ANK3: variants seen among roughly 807,000 people sequenced by gnomAD.
ANK3 encodes the protein ankyrin-3.
Under a neutral mutation model 370.9 loss-of-function variants are expected in ANK3, and 57 were observed. The observed-to-expected ratio is 0.15, with a 90% CI of 0.12 to 0.19. The LOEUF is 0.19. Among genes scored for constraint, ANK3 ranks in the 10% least tolerant of loss-of-function variants. The pLI is 1.00. For missense variants in ANK3, 4,439 were observed against 5,302.1 expected (o/e 0.84, Z 5.06); for synonymous variants, 1,929 against 1,946.3 (o/e 0.99, Z 0.23).
intron 7 of ANK3, among the ~76,000 whole-genome samples, chr10:60,257,578 T>C (rs929276199): frequency 1.2e-4 from 19 of 152,228 alleles, no homozygotes; most frequent in African/African-American, 4.3e-4. Context: ...ATTGTCTCTA[T>C]AGGTAACTAC....
chr10:60,522,818 A>T (rs2133184873), intron 2 of ANK3, among the ~76,000 whole-genome samples: 1 of 152,198 alleles, frequency 6.6e-6, no homozygotes, highest in East Asian at 1.9e-4. Context: ...TCTTATTGAA[A>T]TCCTTAAATT....
intron 1 of ANK3, chr10:60,684,958 G>A (rs1247860693): frequency 1.3e-6 from 2 of 1,542,572 alleles, no homozygotes; most frequent in Non-Finnish European, 8.9e-7. Flanking sequence ...GAAATTGTTA[G>A]CAACAGGTGA....
chr10:60,464,071 T>G (rs2064954866), intron 2 of ANK3, among the ~76,000 whole-genome samples: 1 of 152,190 alleles, frequency 6.6e-6, no homozygotes, highest in African/African-American at 2.4e-5. Context: ...TTGTGCCTTC[T>G]ATGTGGGTAC....
At chr10:60,322,144 A>T (rs898902439) in intron 1 of ANK3, among the ~76,000 whole-genome samples, 1 of 152,164 alleles carries the variant, frequency 6.6e-6, no homozygotes, top group African/African-American at 2.4e-5. Context: ...CTAATATATT[A>T]AGTAATTACA....
rs1464161452 is a variant in ANK3, at chr10:60,072,829, G to T, written c.8052C>A (p.Asp2684Glu). The T allele has an allele frequency of 6.2e-7, 1 of 1,613,980 alleles. No individual in the cohort carries two copies. The highest frequency in any genetic ancestry group is 8.5e-7 in the Non-Finnish European group (1 of 1,180,004). Residue 2684 changes from aspartate (D) to glutamate (E), a missense_variant, in exon 37 of 44, where the codon GAC (aspartate) becomes GAA (glutamate). By Grantham distance (45) the Asp-to-Glu change is conservative. This residue lies in a region of ANK3 where 1,601 missense variants were observed against 1,731.7 expected (regional missense o/e 0.92). Coordinates refer to ENST00000280772, the MANE Select transcript of ANK3 (RefSeq NM_020987.5). ...CTTTGGCTTCCACTGTGGACTTGCTGTCCTCAGTCTGTTGGGAGAGAACCA... is the reference window on the plus strand; with the variant it reads ...CTTTGGCTTCCACTGTGGACTTGCTTTCCTCAGTCTGTTGGGAGAGAACCA... The part of the protein sequence containing the change: ...EKMVLSQQTE[D>E]SKSTVEAKGS...
intron 23 of ANK3, chr10:60,140,850 T>C (rs756257614): frequency 2.8e-4 from 277 of 990,394 alleles, no homozygotes; most frequent in Non-Finnish European, 3.2e-4. Context: ...AGCCTTCATG[T>C]AGGGAGAGAG....
intron 2 of ANK3, among the ~76,000 whole-genome samples, chr10:60,586,808 C>T (rs1165932077): frequency 2.0e-5 from 3 of 152,128 alleles, no homozygotes; most frequent in East Asian, 3.9e-4. Context: ...GTAGTTAAAA[C>T]GTAGGTATCT....
intron 1 of ANK3, among the ~76,000 whole-genome samples, chr10:60,678,806 T>C (rs115355280): frequency 0.04 from 6,085 of 152,322 alleles, 155 homozygotes; most frequent in South Asian, 0.071. Context: ...CTTTTCTCTT[T>C]AATGTTCAGA....
At chr10:60,432,574 C>A (rs990397621) in intron 2 of ANK3, among the ~76,000 whole-genome samples, 2 of 152,190 alleles carry the variant, frequency 1.3e-5, no homozygotes, top group African/African-American at 4.8e-5. Context: ...TAGGAATTGA[C>A]TATCCATGGA....
At chr10:60,355,276 A>G (rs1159730306) in intron 1 of ANK3, among the ~76,000 whole-genome samples, 1 of 152,236 alleles carries the variant, frequency 6.6e-6, no homozygotes, top group East Asian at 1.9e-4. Context: ...AAAAAGTTTA[A>G]TTGAAACAAA....
At chr10:60,301,337 C>CAT (rs138651478) in intron 1 of ANK3, among the ~76,000 whole-genome samples, 2 of 146,170 alleles carry the variant, frequency 1.4e-5, no homozygotes, top group Non-Finnish European at 3.0e-5. Flanking sequence ...TGTATATATA[C>CAT]ATATATATAC....
intron 2 of ANK3, among the ~76,000 whole-genome samples, chr10:60,542,903 A>G (rs567031074): frequency 6.6e-6 from 1 of 152,090 alleles, no homozygotes; most frequent in East Asian, 1.9e-4. Context: ...ATGTACAGCA[A>G]CAACACTAAG....
At chr10:60,547,660 C>CAGAG (rs1567136147) in intron 2 of ANK3, among the ~76,000 whole-genome samples, 2 of 125,802 alleles carry the variant, frequency 1.6e-5, no homozygotes, top group Admixed American at 2.1e-4. Flanking sequence ...GTGGTGGAGA[C>CAGAG]AGACAGAGAG....
In ANK3 at chr10:60,228,488, C is replaced by T. The variant is rs542750414; in HGVS notation, c.897+6200G>A. On this transcript the variant is annotated intron_variant, in intron 8 of 43. Coordinates refer to ENST00000280772, the MANE Select transcript of ANK3 (RefSeq NM_020987.5). ...CGGAGGTTGCAGTGAGCTGAGATTG[C>T]GCCACTACACTCCAGCCTGGGCAAC... Among the ~76,000 whole-genome samples, 94 of 147,902 alleles carry T rather than the reference C, an allele frequency of 6.4e-4. 2 individuals are homozygous for T. In the South Asian group the frequency reaches 9.9e-3, roughly 16 times the overall value.
rs764328244 is a variant in ANK3 at position 60,166,896 on chromosome 10, T to C, written c.2479A>G (p.Thr827Ala). The C allele has an allele frequency of 6.2e-7, 1 of 1,613,666 alleles. No homozygotes were observed. The highest frequency in any genetic ancestry group is 1.3e-5 in the African/African-American group (1 of 74,910). Residue 827 changes from threonine (T) to alanine (A), a missense_variant and splice_region_variant, in exon 22 of 44, where the codon ACT becomes GCT. Coordinates refer to ENST00000280772, the MANE Select transcript of ANK3 (RefSeq NM_020987.5). ...TTCATTTTGTGCTTCTCTGTGACAG[T>C]CTAGTAACAAAAAAGCAGTCATTTT... The part of the protein sequence containing the change: ...IVTEETMTTT[T>A]VTEKHKMNVP...
At chr10:60,064,690 A>G (rs898928649) in intron 38 of ANK3, among the ~76,000 whole-genome samples, 2 of 151,844 alleles carry the variant, frequency 1.3e-5, no homozygotes, top group South Asian at 2.1e-4. Flanking sequence ...AACAACAACA[A>G]CAACAACAAC....
At chr10:60,501,881 G>A (rs2075809259) in intron 2 of ANK3, among the ~76,000 whole-genome samples, 1 of 152,154 alleles carries the variant, frequency 6.6e-6, no homozygotes, top group East Asian at 1.9e-4. Flanking sequence ...AGCTACTGGG[G>A]AGGCTGAGGC....
chr10:60,217,285 C>T (rs1388069591), intron 8 of ANK3, among the ~76,000 whole-genome samples: 4 of 151,818 alleles, frequency 2.6e-5, no homozygotes, highest in African/African-American at 9.7e-5. Flanking sequence ...TTAGTTATTT[C>T]TTGTCTTCTG....
chr10:60,444,178 T>C (rs76366808), intron 2 of ANK3, among the ~76,000 whole-genome samples: 17 of 152,292 alleles, frequency 1.1e-4, no homozygotes, highest in African/African-American at 3.4e-4. Flanking sequence ...TATCCATTTA[T>C]TGTGTATCAC....
Sources: gnomAD v4.1 joint callset for allele counts (sites outside exome capture counted in the v4.1 genomes callset) on GRCh38, gnomAD v4.1.1 for gene constraint, gnomAD v4.1.1 regional missense constraint, MANE v1.5 for transcripts, NCBI Gene and HGNC (gene_info 2026-07-23, HGNC 2026-07-21) for gene names.